The following NRCAM variants were observed in gnomAD, a reference collection of about 807,000 sequenced individuals.
NRCAM encodes neuronal cell adhesion molecule.
In NRCAM, 83 loss-of-function variants were observed where a neutral mutation model predicts 156.5. The observed-to-expected ratio is 0.53, with a 90% CI of 0.44 to 0.64. The LOEUF is 0.64. Among genes scored for constraint, NRCAM ranks in the 30% least tolerant of loss-of-function variants. The pLI is 0.00. For missense variants in NRCAM, 1,417 were observed against 1,597.3 expected (o/e 0.89, Z 1.92); for synonymous variants, 538 against 563.9 (o/e 0.95, Z 0.65).
chr7:108,276,986 A>G (rs1424927439), intron 3 of NRCAM, among the ~76,000 whole-genome samples: 2 of 152,070 alleles, frequency 1.3e-5, no homozygotes, highest in South Asian at 2.1e-4. Flanking sequence ...TGTCTCCTTC[A>G]CTTTTGAAGC....
At chr7:108,347,131 G>A (rs2099363001) in intron 2 of NRCAM, among the ~76,000 whole-genome samples, 1 of 134,138 alleles carries the variant, frequency 7.5e-6, no homozygotes. Flanking sequence ...ACTGCCTCCC[G>A]GGTTCATGCC....
chr7:108,360,917 C>T (rs1348262644), intron 2 of NRCAM, among the ~76,000 whole-genome samples: 1 of 152,018 alleles, frequency 6.6e-6, no homozygotes, highest in African/African-American at 2.4e-5. Flanking sequence ...ATTAGAAAAC[C>T]ATTTTTTATA....
chr7:108,270,022 A>G (rs2097282355), intron 3 of NRCAM, among the ~76,000 whole-genome samples: 1 of 152,238 alleles, frequency 6.6e-6, no homozygotes, highest in East Asian at 1.9e-4. Flanking sequence ...TTAGAGTTCA[A>G]AATGTTTCAG....
intron 3 of NRCAM, among the ~76,000 whole-genome samples, chr7:108,299,138 G>GAAAGAAAGAAAA (rs2098533935): frequency 3.7e-5 from 3 of 81,836 alleles, no homozygotes; most frequent in African/African-American, 4.6e-5. Flanking sequence ...AAGAAAGAAA[G>GAAAGAAAGAAAA]AAAAGAAAAG....
intron 3 of NRCAM, among the ~76,000 whole-genome samples, chr7:108,282,033 T>C (rs554291105): frequency 6.6e-6 from 1 of 152,208 alleles, no homozygotes; most frequent in Non-Finnish European, 1.5e-5. Context: ...AACAGTTACA[T>C]AAATATGGAA....
chr7:108,292,993 A>T (rs2098346901), intron 3 of NRCAM, among the ~76,000 whole-genome samples: 1 of 152,202 alleles, frequency 6.6e-6, no homozygotes, highest in Non-Finnish European at 1.5e-5. Flanking sequence ...GCTAAAATCC[A>T]TTTACAAGTT....
At chr7:108,230,030 A>G (rs1037914735) in intron 8 of NRCAM, among the ~76,000 whole-genome samples, 2 of 152,204 alleles carry the variant, frequency 1.3e-5, no homozygotes, top group African/African-American at 4.8e-5. Flanking sequence ...AGCCCTTAGT[A>G]AAAGGCCTGA....
At chr7:108,455,040 G>A (rs1407561981) in intron 1 of NRCAM, among the ~76,000 whole-genome samples, 1 of 152,164 alleles carries the variant, frequency 6.6e-6, no homozygotes, top group East Asian at 1.9e-4. Context: ...TACGGGGGAC[G>A]AAGATGTGGC....
chr7:108,449,833 T>C (rs147785948), intron 1 of NRCAM, among the ~76,000 whole-genome samples: 30 of 152,242 alleles, frequency 2.0e-4, no homozygotes, highest in African/African-American at 7.2e-4. Flanking sequence ...TTGAGAAAGA[T>C]AAATCAAATT....
intron 13 of NRCAM, among the ~76,000 whole-genome samples, chr7:108,199,579 C>T (rs1437237050): frequency 6.6e-6 from 1 of 152,206 alleles, no homozygotes; most frequent in African/African-American, 2.4e-5. Flanking sequence ...CATTCCTTGG[C>T]CCATGGTCCT....
chr7:108,381,284 T>C (rs1318974975), intron 2 of NRCAM, among the ~76,000 whole-genome samples: 1 of 152,212 alleles, frequency 6.6e-6, no homozygotes, highest in Non-Finnish European at 1.5e-5. Flanking sequence ...TGTATTACTT[T>C]TAAACTCAAG....
chr7:108,389,243 C>A (rs539742349), intron 2 of NRCAM, among the ~76,000 whole-genome samples: 8 of 152,016 alleles, frequency 5.3e-5, no homozygotes, highest in African/African-American at 1.9e-4. Context: ...GTTGAGCAGT[C>A]GTTTGTAGTT....
At chr7:108,193,035 A>T (rs1388742637) in intron 17 of NRCAM, among the ~76,000 whole-genome samples, 1 of 152,072 alleles carries the variant, frequency 6.6e-6, no homozygotes, top group African/African-American at 2.4e-5. Context: ...TTTCCTTTTA[A>T]TCTTAAAGAC....
chr7:108,241,552 T>C (rs113348711), intron 3 of NRCAM, among the ~76,000 whole-genome samples: 1 of 152,196 alleles, frequency 6.6e-6, no homozygotes, highest in Non-Finnish European at 1.5e-5. Flanking sequence ...TATTTTACGA[T>C]GTCCATCTTT....
intron 26 of NRCAM, among the ~76,000 whole-genome samples, chr7:108,177,577 C>T (rs1228404012): frequency 6.6e-6 from 1 of 151,382 alleles, no homozygotes; most frequent in Non-Finnish European, 1.5e-5. Flanking sequence ...GAGCCAAGAT[C>T]TCACCACTGC....
At chr7:108,285,918 C>A (rs2098080897) in intron 3 of NRCAM, among the ~76,000 whole-genome samples, 1 of 152,216 alleles carries the variant, frequency 6.6e-6, no homozygotes, top group Admixed American at 6.5e-5. Flanking sequence ...GAGCTAGCTT[C>A]AAAACCAAAT....
chr7:108,427,997 C>G (rs1009977341), intron 1 of NRCAM, among the ~76,000 whole-genome samples: 2 of 152,152 alleles, frequency 1.3e-5, no homozygotes, highest in African/African-American at 4.8e-5. Context: ...CCATGACCTT[C>G]TAAAGTATGT....
intron 20 of NRCAM, among the ~76,000 whole-genome samples, chr7:108,185,739 A>AAG (rs983724644): frequency 6.6e-6 from 1 of 151,510 alleles, no homozygotes; most frequent in African/African-American, 2.4e-5. Context: ...AGAGAGGAAA[A>AAG]AAAAAAAAAA....
chr7:108,339,069 T>A (rs986547965), intron 2 of NRCAM, among the ~76,000 whole-genome samples: 1 of 152,220 alleles, frequency 6.6e-6, no homozygotes, highest in Non-Finnish European at 1.5e-5. Context: ...CTCAAAAATC[T>A]TAAAGTATGG....
Sources: allele counts gnomAD v4.1 joint callset (sites outside exome capture counted in the v4.1 genomes callset), GRCh38; gene constraint gnomAD v4.1.1; transcripts MANE v1.5; gene names NCBI Gene and HGNC (gene_info 2026-07-23, HGNC 2026-07-21).